Variants in MAST4 observed in about 807,000 individuals in gnomAD.
The protein encoded by MAST4 is microtubule associated serine/threonine kinase family member 4.
In MAST4, 89 loss-of-function variants were observed where a neutral mutation model predicts 162.7. The observed-to-expected ratio is 0.55, with a 90% CI of 0.46 to 0.65. The LOEUF (loss-of-function observed/expected upper bound fraction) is 0.65, where lower values mean the gene tolerates loss of function less well. Ranked by LOEUF, MAST4 falls within the 30% of genes least tolerant of loss-of-function variation. MAST4 has a pLI of 0.00. For synonymous variants in MAST4, 1,479 were observed against 1,361.1 expected, an observed-to-expected ratio of 1.09 and a Z score of -1.91; for missense variants, 3,153 against 3,374.0, an observed-to-expected ratio of 0.93 and a Z score of 1.62.
chr5:66,802,184 A>G (rs192844048), intron 3 of MAST4, among the ~76,000 whole-genome samples: 39 of 152,200 alleles, frequency 2.6e-4, no homozygotes, highest in African/African-American at 9.2e-4. Context: ...ATGTTAGATG[A>G]TTTGCAATTT....
At chr5:66,980,233 A>G (rs1748622563) in intron 4 of MAST4, among the ~76,000 whole-genome samples, 2 of 152,224 alleles carry the variant, frequency 1.3e-5, no homozygotes, top group Non-Finnish European at 2.9e-5. Context: ...GAGTAGAGCC[A>G]GCTGCAGCCA....
At chr5:66,874,819 C>T (rs1454754337) in intron 3 of MAST4, among the ~76,000 whole-genome samples, 3 of 152,174 alleles carry the variant, frequency 2.0e-5, no homozygotes, top group African/African-American at 7.2e-5. Flanking sequence ...AGCAGATGGT[C>T]TTCTTTTCTC....
At chr5:66,933,495 C>T (rs767334469) in intron 4 of MAST4, among the ~76,000 whole-genome samples, 52 of 152,158 alleles carry the variant, frequency 3.4e-4, no homozygotes, top group Admixed American at 2.6e-4. Flanking sequence ...CTTATTCTCT[C>T]TTGTTTGGGT....
intron 3 of MAST4, among the ~76,000 whole-genome samples, chr5:66,873,489 C>T (rs1041527255): frequency 1.3e-5 from 2 of 152,182 alleles, no homozygotes; most frequent in African/African-American, 4.8e-5. Context: ...GCTGCCAAAT[C>T]TTTTGAGAAC....
intron 5 of MAST4, among the ~76,000 whole-genome samples, chr5:67,073,401 C>G (rs1761205971): frequency 6.6e-6 from 1 of 152,138 alleles, no homozygotes; most frequent in Non-Finnish European, 1.5e-5. Context: ...ATTCTAACTG[C>G]AAGGAAAGTT....
At chr5:66,751,050 C>T (rs1023715246) in intron 1 of MAST4, among the ~76,000 whole-genome samples, 24 of 152,122 alleles carry the variant, frequency 1.6e-4, no homozygotes, top group Non-Finnish European at 2.4e-4. Context: ...ACATCTCACA[C>T]GGCAGGGTAT....
chr5:67,086,873 G>A (rs974432832), intron 5 of MAST4, among the ~76,000 whole-genome samples: 14 of 152,192 alleles, frequency 9.2e-5, no homozygotes, highest in Admixed American at 9.2e-4. Flanking sequence ...AGTCCTCATC[G>A]CTGAGTTTAG....
At chr5:66,823,272 G>A (rs1757080436) in intron 3 of MAST4, among the ~76,000 whole-genome samples, 1 of 152,112 alleles carries the variant, frequency 6.6e-6, no homozygotes, top group Admixed American at 6.6e-5. Context: ...AGTTCTTTTA[G>A]GTATTATGAA....
intron 1 of MAST4, among the ~76,000 whole-genome samples, chr5:66,720,948 C>T (rs1020997318): frequency 6.6e-6 from 1 of 152,110 alleles, no homozygotes; most frequent in Non-Finnish European, 1.5e-5. Flanking sequence ...CATCCCATTT[C>T]AGCATCGCCA....
intron 7 of MAST4, among the ~76,000 whole-genome samples, chr5:67,096,935 A>G (rs1338418165): frequency 1.3e-5 from 2 of 152,196 alleles, no homozygotes; most frequent in Non-Finnish European, 2.9e-5. Flanking sequence ...GCATGAATGA[A>G]TAAAATTGTC....
chr5:66,739,096 G>A (rs557436549), intron 1 of MAST4, among the ~76,000 whole-genome samples: 1 of 152,194 alleles, frequency 6.6e-6, no homozygotes, highest in Admixed American at 6.5e-5. Flanking sequence ...ATGCATTTGT[G>A]TGATTTATGT....
intron 5 of MAST4, among the ~76,000 whole-genome samples, chr5:67,083,411 A>G (rs946374620): frequency 9.2e-5 from 14 of 152,180 alleles, no homozygotes; most frequent in Admixed American, 4.6e-4. Context: ...AGAGATTTAT[A>G]ATAGAGAATA....
At chr5:66,612,787 A>G (rs1019873647) in intron 1 of MAST4, among the ~76,000 whole-genome samples, 1 of 152,216 alleles carries the variant, frequency 6.6e-6, no homozygotes, top group Admixed American at 6.5e-5. Context: ...AGGAGGTCGT[A>G]TCAGATTTAA....
intron 3 of MAST4, among the ~76,000 whole-genome samples, chr5:66,828,535 A>G (rs537549150): frequency 3.3e-5 from 5 of 152,314 alleles, no homozygotes; most frequent in African/African-American, 7.2e-5. Context: ...TGCCACAGCC[A>G]GCATTCTGAA....
intron 4 of MAST4, among the ~76,000 whole-genome samples, chr5:66,954,891 ACT>A (rs1331082685): frequency 6.6e-6 from 1 of 151,292 alleles, no homozygotes; most frequent in Non-Finnish European, 1.5e-5. Flanking sequence ...ACAGAGCAAG[ACT>A]CTGTCTCAAA....
intron 14 of MAST4, among the ~76,000 whole-genome samples, chr5:67,129,180 C>T (rs756641499): frequency 4.6e-5 from 7 of 152,290 alleles, no homozygotes; most frequent in Middle Eastern, 3.4e-3. Flanking sequence ...ACAGCTCCAT[C>T]GTTGGCCCGC....
intron 10 of MAST4, among the ~76,000 whole-genome samples, chr5:67,108,088 A>G (rs1047436872): frequency 6.6e-6 from 1 of 152,214 alleles, no homozygotes; most frequent in Non-Finnish European, 1.5e-5. Context: ...TATATGTTTT[A>G]TCCTTGATTA....
At chr5:67,087,724 A>C (rs1211105266) in intron 5 of MAST4, among the ~76,000 whole-genome samples, 1 of 152,238 alleles carries the variant, frequency 6.6e-6, no homozygotes, top group Non-Finnish European at 1.5e-5. Context: ...ATGATAATTC[A>C]TATGTGTATG....
intron 3 of MAST4, among the ~76,000 whole-genome samples, chr5:66,862,012 C>T (rs28102): frequency 0.83 from 126,457 of 152,146 alleles, 53,366 homozygotes; most frequent in Non-Finnish European, 0.92. Flanking sequence ...TACCCCAATC[C>T]GCAAAGCCAG....
Sources: allele counts gnomAD v4.1 joint callset (sites outside exome capture counted in the v4.1 genomes callset), GRCh38; gene constraint gnomAD v4.1.1; transcripts MANE v1.5; gene names NCBI Gene and HGNC (gene_info 2026-07-23, HGNC 2026-07-21).